Variants in CCDC91 observed in about 807,000 individuals in gnomAD.
The protein encoded by CCDC91 is coiled-coil domain-containing protein 91.
A neutral mutation model predicts 63.2 loss-of-function variants in CCDC91; 48 were observed. That is an observed-to-expected ratio of 0.76 (90% CI 0.60 to 0.97). The LOEUF (loss-of-function observed/expected upper bound fraction) is 0.97, where lower values mean the gene tolerates loss of function less well. Ranked by LOEUF, CCDC91 falls within the 50% of genes least tolerant of loss-of-function variation. The pLI is 0.00. For missense variants in CCDC91, 500 were observed against 494.6 expected, an observed-to-expected ratio of 1.01 and a Z score of -0.10; for synonymous variants, 167 against 165.8, an observed-to-expected ratio of 1.01 and a Z score of -0.06.
At chr12:28,439,553 G>A (rs1164092693) in intron 8 of CCDC91, among the ~76,000 whole-genome samples, 1 of 152,068 alleles carries the variant, frequency 6.6e-6, no homozygotes, top group Non-Finnish European at 1.5e-5. Context: ...ACAAAATAAT[G>A]TGAAGTTTGT....
rs575065194 is a variant in CCDC91, at chr12:28,193,950, C to T, written c.-15+3309C>T. The stretch of plus-strand genomic sequence containing the variant: ...TACAGTCTGGATACAAATTCATTAT[C>T]GTATATATGTTCACAGCATTTCCTT... On this transcript the variant is annotated intron_variant, in intron 1 of 12. Coordinates refer to ENST00000536442, the MANE Select transcript of CCDC91 (RefSeq NM_018318.5). Among the ~76,000 whole-genome samples the T allele has an allele frequency of 5.3e-5, 8 of 152,276 alleles. No individual in the cohort carries two copies. The South Asian group carries it at 1.0e-3, about 20-fold the overall frequency.
chr12:28,206,559 T>C (rs1942866684), intron 1 of CCDC91, among the ~76,000 whole-genome samples: 1 of 152,080 alleles, frequency 6.6e-6, no homozygotes, highest in Non-Finnish European at 1.5e-5. Context: ...AAACCAAACC[T>C]CCTAAACTCA....
chr12:28,466,824 A>T (rs959454125), intron 11 of CCDC91, among the ~76,000 whole-genome samples: 2 of 152,142 alleles, frequency 1.3e-5, no homozygotes, highest in African/African-American at 4.8e-5. Flanking sequence ...AGAGTATTGT[A>T]ACACTGTAAC....
intron 1 of CCDC91, among the ~76,000 whole-genome samples, chr12:28,230,233 A>T (rs1388818861): frequency 6.6e-6 from 1 of 152,168 alleles, no homozygotes; most frequent in African/African-American, 2.4e-5. Context: ...TATTTTTGAT[A>T]GTGCTTCTTA....
intron 11 of CCDC91, among the ~76,000 whole-genome samples, chr12:28,470,618 G>GAA: frequency 6.6e-6 from 1 of 152,086 alleles, no homozygotes; most frequent in East Asian, 1.9e-4. Flanking sequence ...TAGTGTATCA[G>GAA]TGAAATACTT....
intron 6 of CCDC91, among the ~76,000 whole-genome samples, chr12:28,334,230 A>T (rs1368669239): frequency 1.3e-5 from 2 of 152,156 alleles, no homozygotes; most frequent in Non-Finnish European, 2.9e-5. Context: ...AAGTGCTTGC[A>T]GATATGGATA....
chr12:28,449,595 T>A (rs1169992621), intron 8 of CCDC91, among the ~76,000 whole-genome samples: 1 of 152,020 alleles, frequency 6.6e-6, no homozygotes, highest in African/African-American at 2.4e-5. Context: ...TACATTAACT[T>A]TATACACATT....
intron 12 of CCDC91, among the ~76,000 whole-genome samples, chr12:28,498,696 A>G (rs868780271): frequency 5.3e-5 from 8 of 151,478 alleles, no homozygotes; most frequent in Non-Finnish European, 1.5e-5. Flanking sequence ...TCACTACTCT[A>G]TTTTTTCTTC....
chr12:28,349,705 C>T (rs1191586737), intron 6 of CCDC91, among the ~76,000 whole-genome samples: 1 of 152,022 alleles, frequency 6.6e-6, no homozygotes, highest in Non-Finnish European at 1.5e-5. Context: ...GATTTCAGGG[C>T]CTTTATATTT....
At chr12:28,348,916 G>A (rs913104949) in intron 6 of CCDC91, among the ~76,000 whole-genome samples, 1 of 151,982 alleles carries the variant, frequency 6.6e-6, no homozygotes, top group Admixed American at 6.6e-5. Context: ...TAGAGACGGT[G>A]TTTTGCTCTA....
chr12:28,394,711 G>GCTCTCTCTCTCT (rs151131648), intron 8 of CCDC91, among the ~76,000 whole-genome samples: 46 of 137,038 alleles, frequency 3.4e-4, no homozygotes, highest in African/African-American at 9.6e-4. Context: ...TCTGTTTCTT[G>GCTCTCTCTCTCT]CTCTCTCTCT....
chr12:28,307,831 A>G lies in CCDC91; in HGVS notation c.576+82A>G. The G allele has an allele frequency of 2.7e-6, 2 of 730,522 alleles. 1 individual carries two copies. Among genetic ancestry groups the G allele is most frequent in the Non-Finnish European group, 4.7e-6 (2 of 421,844 alleles). The allele number at this position is 730,522 out of a possible 1,614,324, so 45.3% of individuals were successfully genotyped here. On this transcript the variant is annotated intron_variant, in intron 6 of 12. Transcript: ENST00000536442. ...TAATTTCAAAAAGTGCATAATGAAT[A>G]TCTTATGAATGAAGAATCAGATACT...
chr12:28,547,798 AT>A (rs548700943), intron 12 of CCDC91, among the ~76,000 whole-genome samples: 15 of 152,244 alleles, frequency 9.9e-5, no homozygotes, highest in African/African-American at 3.6e-4. Flanking sequence ...ATATTTCAAT[AT>A]TTTAGTCATC....
At chr12:28,420,907 C>T (rs2139901840) in intron 8 of CCDC91, among the ~76,000 whole-genome samples, 1 of 152,064 alleles carries the variant, frequency 6.6e-6, no homozygotes, top group Admixed American at 6.6e-5. Flanking sequence ...TTACTGGTGG[C>T]TTTCTATTGT....
chr12:28,286,044 C>T (rs1432717413), intron 3 of CCDC91, among the ~76,000 whole-genome samples: 1 of 151,852 alleles, frequency 6.6e-6, no homozygotes, highest in Non-Finnish European at 1.5e-5. Context: ...GAATCTAGTT[C>T]TCAAATCCAA....
chr12:28,205,263 G>A (rs1182714640), intron 1 of CCDC91, among the ~76,000 whole-genome samples: 1 of 151,722 alleles, frequency 6.6e-6, no homozygotes, highest in African/African-American at 2.4e-5. Flanking sequence ...TAACATGCAA[G>A]TCTAATAGTT....
chr12:28,276,026 A>G (rs1477101623), intron 3 of CCDC91, among the ~76,000 whole-genome samples: 12 of 151,924 alleles, frequency 7.9e-5, no homozygotes, highest in East Asian at 1.9e-4. Context: ...TACTGAATGG[A>G]CAAAAACTGG....
chr12:28,483,525 A>C (rs1951555422), intron 11 of CCDC91, among the ~76,000 whole-genome samples: 1 of 152,070 alleles, frequency 6.6e-6, no homozygotes, highest in Admixed American at 6.6e-5. Context: ...CATTTCAAAT[A>C]CTAGCACACT....
At chr12:28,246,059 A>C (rs1314739932) in intron 1 of CCDC91, among the ~76,000 whole-genome samples, 1 of 152,178 alleles carries the variant, frequency 6.6e-6, no homozygotes, top group East Asian at 1.9e-4. Flanking sequence ...CATATAATTA[A>C]TATAGCAGCC....
Sources: gnomAD v4.1 joint callset for allele counts (sites outside exome capture counted in the v4.1 genomes callset) on GRCh38, gnomAD v4.1.1 for gene constraint, MANE v1.5 for transcripts, NCBI Gene and HGNC (gene_info 2026-07-23, HGNC 2026-07-21) for gene names.